Variants in KCNH8 observed in about 807,000 individuals in gnomAD.
The protein encoded by KCNH8 is potassium voltage-gated channel subfamily H member 8.
A neutral mutation model predicts 103.6 loss-of-function variants in KCNH8; 70 were observed. The ratio of observed to expected loss-of-function variants is 0.68; its 90% CI spans 0.56 to 0.82. KCNH8 has a LOEUF of 0.82. Among genes scored for constraint, KCNH8 ranks in the 40% least tolerant of loss-of-function variants. The pLI, the probability that KCNH8 is intolerant of heterozygous loss-of-function variation, is 0.00. For missense variants in KCNH8, 1,217 were observed against 1,329.9 expected, an observed-to-expected ratio of 0.92 and a Z score of 1.32; for synonymous variants, 498 against 489.4, an observed-to-expected ratio of 1.02 and a Z score of -0.23.
intron 7 of KCNH8, among the ~76,000 whole-genome samples, chr3:19,406,576 G>GT (rs2066694670): frequency 6.6e-6 from 1 of 152,078 alleles, no homozygotes; most frequent in South Asian, 2.1e-4. Context: ...TAGCCCAGAT[G>GT]TTGTGAGATT....
chr3:19,246,271 G>GTTTTTTTTTTT (rs1559440761), intron 1 of KCNH8, among the ~76,000 whole-genome samples: 1 of 100,632 alleles, frequency 9.9e-6, no homozygotes, highest in Non-Finnish European at 2.2e-5. Context: ...TTTTGTTGTT[G>GTTTTTTTTTTT]TTGTTTTTTT....
intron 3 of KCNH8, among the ~76,000 whole-genome samples, chr3:19,288,439 T>A (rs1356957947): frequency 6.6e-6 from 1 of 151,748 alleles, no homozygotes; most frequent in Non-Finnish European, 1.5e-5. Context: ...ATCCATGTGT[T>A]CTCATTGTTC....
intron 1 of KCNH8, among the ~76,000 whole-genome samples, chr3:19,234,352 G>A (rs1419759454): frequency 1.3e-5 from 2 of 152,226 alleles, no homozygotes; most frequent in East Asian, 3.9e-4. Flanking sequence ...CTCGTGGGGA[G>A]GCTCCGGCCG....
intron 11 of KCNH8, among the ~76,000 whole-genome samples, chr3:19,482,672 C>T (rs534792834): frequency 6.6e-6 from 1 of 152,276 alleles, no homozygotes; most frequent in Non-Finnish European, 1.5e-5. Flanking sequence ...GGATTAAATC[C>T]ATGCCACACT....
At chr3:19,149,836 C>G (rs2063111848) in intron 1 of KCNH8, among the ~76,000 whole-genome samples, 1 of 152,194 alleles carries the variant, frequency 6.6e-6, no homozygotes, top group South Asian at 2.1e-4. Flanking sequence ...GTTCAAGTGT[C>G]ATTGCTTTTA....
chr3:19,533,772 G>C lies in KCNH8; in HGVS notation c.2997G>C (p.Gln999His). The change falls in exon 16 of 16, where the codon CAG (glutamine) becomes CAC (histidine). Residue 999 changes from glutamine to histidine, a missense_variant. This residue lies in a region of KCNH8 where 558 missense variants were observed against 495.8 expected (regional missense o/e 1.13). Transcript: ENST00000328405. ...TTGATTATTCACCTTCCCACTACCA[G>C]GTTGTCCAAGAAGGTCATTTGCAAT... is the stretch of plus-strand genomic sequence containing the variant. ...PSLDYSPSHY[Q>H]VVQEGHLQFL... 2 of 1,614,128 alleles carry C rather than the reference G, an allele frequency of 1.2e-6. No homozygotes were observed. Among genetic ancestry groups the C allele is most frequent in the African/African-American group, 2.7e-5 (2 of 75,040 alleles).
At chr3:19,156,076 G>C (rs1028538311) in intron 1 of KCNH8, among the ~76,000 whole-genome samples, 1 of 152,100 alleles carries the variant, frequency 6.6e-6, no homozygotes, top group African/African-American at 2.4e-5. Context: ...CTTTAGTTTT[G>C]AGAGAGAATA....
At chr3:19,245,187 A>T (rs546442285) in intron 1 of KCNH8, among the ~76,000 whole-genome samples, 6 of 152,120 alleles carry the variant, frequency 3.9e-5, no homozygotes, top group African/African-American at 1.4e-4. Context: ...CTAACCAGTT[A>T]TCTTAGCACC....
At chr3:19,515,134 T>A (rs921122642) in intron 13 of KCNH8, among the ~76,000 whole-genome samples, 188 bp from the exon 14 acceptor site, 5 of 151,724 alleles carry the variant, frequency 3.3e-5, no homozygotes, top group Admixed American at 2.0e-4. Context: ...TTACGGCACA[T>A]CTCAATTTGC....
At chr3:19,318,640 A>AGTGTGTGT (rs113809907) in intron 3 of KCNH8, among the ~76,000 whole-genome samples, 5 of 131,310 alleles carry the variant, frequency 3.8e-5, no homozygotes, top group African/African-American at 1.1e-4. Flanking sequence ...TTACATGGTA[A>AGTGTGTGT]GTGTGTGTGT....
intron 2 of KCNH8, among the ~76,000 whole-genome samples, chr3:19,265,903 T>C (rs1193789820): frequency 1.3e-5 from 2 of 152,108 alleles, no homozygotes. Context: ...ACACAATCAC[T>C]GGCACCAGAA....
intron 7 of KCNH8, among the ~76,000 whole-genome samples, chr3:19,429,775 C>T (rs1330296986): frequency 1.3e-5 from 2 of 152,050 alleles, no homozygotes; most frequent in Non-Finnish European, 2.9e-5. Flanking sequence ...CTCCTGTGTC[C>T]ATGTGTTCTC....
At chr3:19,363,880 T>C (rs1046209121) in intron 5 of KCNH8, among the ~76,000 whole-genome samples, 1 of 152,054 alleles carries the variant, frequency 6.6e-6, no homozygotes, top group Non-Finnish European at 1.5e-5. Context: ...CCTCCTTAGG[T>C]AAAATGGCTA....
intron 1 of KCNH8, among the ~76,000 whole-genome samples, chr3:19,174,218 A>G (rs1575413950): frequency 1.3e-5 from 2 of 152,072 alleles, no homozygotes; most frequent in Non-Finnish European, 2.9e-5. Context: ...CCCTTTTTTC[A>G]GTAATGTTCT....
chr3:19,175,609 A>G (rs2063392214), intron 1 of KCNH8, among the ~76,000 whole-genome samples: 1 of 152,218 alleles, frequency 6.6e-6, no homozygotes, highest in African/African-American at 2.4e-5. Context: ...TTATGAGACT[A>G]AATAGTTAAA....
chr3:19,211,579 T>C (rs961082153), intron 1 of KCNH8, among the ~76,000 whole-genome samples: 2 of 152,152 alleles, frequency 1.3e-5, no homozygotes, highest in Non-Finnish European at 2.9e-5. Context: ...CAAAATTTTT[T>C]TTACTCAGGA....
At chr3:19,170,584 C>CTATATATATATATATATA (rs113772694) in intron 1 of KCNH8, among the ~76,000 whole-genome samples, 17 of 114,046 alleles carry the variant, frequency 1.5e-4, no homozygotes, top group African/African-American at 4.8e-4. Flanking sequence ...CTTGGGGCAT[C>CTATATATATATATATATA]TATATATATA....
At chr3:19,358,737 T>A (rs959622307) in intron 5 of KCNH8, among the ~76,000 whole-genome samples, 1 of 151,900 alleles carries the variant, frequency 6.6e-6, no homozygotes, top group Non-Finnish European at 1.5e-5. Context: ...ATGGAGGTGA[T>A]GGTAGGTGGC....
intron 7 of KCNH8, among the ~76,000 whole-genome samples, chr3:19,419,172 AAG>A (rs1222629328): frequency 1.8e-5 from 2 of 109,134 alleles, no homozygotes; most frequent in African/African-American, 5.3e-5. Context: ...TAGTCACAAA[AAG>A]AAGTAATTAA....
Sources: allele counts gnomAD v4.1 joint callset (sites outside exome capture counted in the v4.1 genomes callset), GRCh38; gene constraint gnomAD v4.1.1; regional missense constraint gnomAD v4.1.1; transcripts MANE v1.5; gene names NCBI Gene and HGNC (gene_info 2026-07-23, HGNC 2026-07-21).